SLC9A9: variants seen among roughly 807,000 people sequenced by gnomAD.
SLC9A9 encodes the protein sodium/hydrogen exchanger 9.
SLC9A9 carries 62 observed loss-of-function variants against 77.8 expected under a neutral mutation model. The observed-to-expected ratio is 0.80, with a 90% CI of 0.65 to 0.98. SLC9A9 has a LOEUF of 0.98. Among genes scored for constraint, SLC9A9 ranks in the 50% least tolerant of loss-of-function variants. The probability of loss-of-function intolerance (pLI) is 0.00; values close to 1 mark genes in which losing one functional copy is unlikely to be tolerated. For synonymous variants in SLC9A9, 320 were observed against 283.5 expected (o/e 1.13, Z -1.29); for missense variants, 775 against 774.9 (o/e 1.00, Z 0.00).
At chr3:143,804,939 A>G (rs1452033915) in intron 2 of SLC9A9, among the ~76,000 whole-genome samples, 1 of 152,166 alleles carries the variant, frequency 6.6e-6, no homozygotes, top group African/African-American at 2.4e-5. Flanking sequence ...AGAACCGCTG[A>G]GGCCTTGACT....
At chr3:143,626,228 A>C (rs1010131357) in intron 6 of SLC9A9, among the ~76,000 whole-genome samples, 1 of 152,238 alleles carries the variant, frequency 6.6e-6, no homozygotes, top group Non-Finnish European at 1.5e-5. Context: ...GGGATCTAGA[A>C]CTAGAAATAC....
intron 2 of SLC9A9, among the ~76,000 whole-genome samples, chr3:143,804,949 T>G (rs2008670948): frequency 6.6e-6 from 1 of 152,160 alleles, no homozygotes; most frequent in Admixed American, 6.5e-5. Context: ...AGGCCTTGAC[T>G]TACTGCTGAA....
chr3:143,427,032 G>T (rs1053221896), intron 12 of SLC9A9, among the ~76,000 whole-genome samples: 2 of 152,178 alleles, frequency 1.3e-5, no homozygotes, highest in Non-Finnish European at 2.9e-5. Flanking sequence ...GACTGTTAAA[G>T]CAAGGCCCAA....
At chr3:143,718,922 G>A (rs1934424939) in intron 4 of SLC9A9, among the ~76,000 whole-genome samples, 1 of 152,094 alleles carries the variant, frequency 6.6e-6, no homozygotes, top group South Asian at 2.1e-4. Flanking sequence ...CTTAATCTAG[G>A]ACGACTTAGC....
intron 4 of SLC9A9, among the ~76,000 whole-genome samples, chr3:143,762,150 T>A (rs890699233): frequency 1.3e-5 from 2 of 151,880 alleles, no homozygotes; most frequent in Non-Finnish European, 2.9e-5. Context: ...ATGAGAACAC[T>A]TGGACACAGG....
At chr3:143,293,705 C>G (rs983108503) in intron 14 of SLC9A9, among the ~76,000 whole-genome samples, 7 of 152,092 alleles carry the variant, frequency 4.6e-5, no homozygotes, top group African/African-American at 1.7e-4. Context: ...TCTTATTTGG[C>G]CTGGAATTGG....
intron 14 of SLC9A9, among the ~76,000 whole-genome samples, chr3:143,334,617 G>T (rs538817619): frequency 6.6e-6 from 1 of 152,170 alleles, no homozygotes; most frequent in Non-Finnish European, 1.5e-5. Context: ...TGTATTAAAT[G>T]AAATCATGCA....
At chr3:143,421,956 G>C (rs946057395) in intron 12 of SLC9A9, among the ~76,000 whole-genome samples, 10 of 152,108 alleles carry the variant, frequency 6.6e-5, no homozygotes, top group African/African-American at 2.4e-4. Flanking sequence ...TTCAAGAGAA[G>C]ACATTCAAGT....
intron 14 of SLC9A9, among the ~76,000 whole-genome samples, chr3:143,304,461 T>C (rs993930823): frequency 8.5e-5 from 13 of 152,210 alleles, no homozygotes; most frequent in African/African-American, 2.7e-4. Context: ...CTTGATAAGT[T>C]TGAGTTTTAC....
intron 4 of SLC9A9, among the ~76,000 whole-genome samples, chr3:143,706,664 C>T (rs1039938609): frequency 2.0e-4 from 30 of 152,288 alleles, no homozygotes; most frequent in African/African-American, 6.3e-4. Flanking sequence ...TGGCCTTAAT[C>T]CTCTCTCCTC....
At chr3:143,494,170 A>G (rs948910562) in intron 10 of SLC9A9, among the ~76,000 whole-genome samples, 1 of 152,206 alleles carries the variant, frequency 6.6e-6, no homozygotes. Context: ...CATGTTTACC[A>G]TCTTCCTTCT....
chr3:143,639,048 G>C (rs936969585), intron 6 of SLC9A9, among the ~76,000 whole-genome samples: 5 of 152,168 alleles, frequency 3.3e-5, no homozygotes, highest in Non-Finnish European at 7.4e-5. Flanking sequence ...CATTTTCTTG[G>C]TTGTTCAGAA....
At chr3:143,730,859 T>TA (rs200348570) in intron 4 of SLC9A9, among the ~76,000 whole-genome samples, 31 of 150,688 alleles carry the variant, frequency 2.1e-4, no homozygotes, top group South Asian at 6.3e-4. Flanking sequence ...CAGCATGACT[T>TA]AAAAAAAAAG....
At chr3:143,715,447 A>G (rs1006445295) in intron 4 of SLC9A9, among the ~76,000 whole-genome samples, 1 of 152,196 alleles carries the variant, frequency 6.6e-6, no homozygotes, top group African/African-American at 2.4e-5. Context: ...TCTTAAGGAA[A>G]CCATCCTGGA....
intron 12 of SLC9A9, among the ~76,000 whole-genome samples, chr3:143,405,110 G>A (rs1315268052): frequency 6.6e-6 from 1 of 152,178 alleles, no homozygotes; most frequent in Non-Finnish European, 1.5e-5. Context: ...GCATGAATGT[G>A]ATCCCAGAAG....
chr3:143,739,466 C>G (rs1935027665), intron 4 of SLC9A9, among the ~76,000 whole-genome samples: 1 of 152,142 alleles, frequency 6.6e-6, no homozygotes, highest in Non-Finnish European at 1.5e-5. Context: ...TTGTGTTACA[C>G]ATGCTAAAAA....
chr3:143,739,168 G>A (rs1014366285), intron 4 of SLC9A9, among the ~76,000 whole-genome samples: 29 of 152,064 alleles, frequency 1.9e-4, no homozygotes, highest in African/African-American at 6.0e-4. Context: ...TGCAGCTCTC[G>A]TGGGGCCCAG....
intron 8 of SLC9A9, among the ~76,000 whole-genome samples, chr3:143,558,774 T>A (rs982932937): frequency 6.6e-6 from 1 of 152,062 alleles, no homozygotes; most frequent in Non-Finnish European, 1.5e-5. Context: ...GACTTTTGGG[T>A]TAATACTGGA....
At chr3:143,291,912 G>A (rs926110462) in intron 14 of SLC9A9, among the ~76,000 whole-genome samples, 1 of 152,202 alleles carries the variant, frequency 6.6e-6, no homozygotes, top group Admixed American at 6.5e-5. Flanking sequence ...GAGCCAATAC[G>A]AGTTTTAAAT....
Sources: allele counts gnomAD v4.1 joint callset (sites outside exome capture counted in the v4.1 genomes callset), GRCh38; gene constraint gnomAD v4.1.1; transcripts MANE v1.5; gene names NCBI Gene and HGNC (gene_info 2026-07-23, HGNC 2026-07-21).